FOXP1: variants seen among roughly 807,000 people sequenced by gnomAD.
FOXP1 encodes the protein forkhead box P1.
In FOXP1, 15 loss-of-function variants were observed where a neutral mutation model predicts 98.2. The ratio of observed to expected loss-of-function variants is 0.15; its 90% CI spans 0.10 to 0.24. The LOEUF (loss-of-function observed/expected upper bound fraction) is 0.24, where lower values mean the gene tolerates loss of function less well. Ranked by LOEUF, FOXP1 falls within the 10% of genes least tolerant of loss-of-function variation. FOXP1 has a pLI of 1.00. For missense variants in FOXP1, 633 were observed against 848.5 expected (o/e 0.75, Z 3.15); for synonymous variants, 371 against 314.5 (o/e 1.18, Z -1.90).
At position 70,977,910 on chromosome 3, in the gene FOXP1, A is replaced by AGAGGGGCCTTGGGTGACGGGAGTCAGG. The variant is rs2107316260; in HGVS notation, c.1239_1265dup (p.Leu414_Ser422dup). 1 of 1,614,188 alleles carries AGAGGGGCCTTGGGTGACGGGAGTCAGG rather than the reference A, an allele frequency of 6.2e-7. No homozygotes were observed. The highest frequency in any genetic ancestry group is 1.7e-5 in the Admixed American group (1 of 60,020). ...TGTGCATGCTGGTGGTTGTGATGACAGAGGGGCCTTGGGTGACGGGAGTCA... is the reference window on the plus strand; with the variant it reads ...TGTGCATGCTGGTGGTTGTGATGACAGAGGGGCCTTGGGTGACGGGAGTCAGGGAGGGGCCTTGGGTGACGGGAGTCA... On this transcript the variant is annotated inframe_insertion, in exon 15 of 21. Coordinates refer to ENST00000649528, the MANE Select transcript of FOXP1 (RefSeq NM_001349338.3).
At chr3:71,455,097 T>G (rs1560509773) in intron 3 of FOXP1, among the ~76,000 whole-genome samples, 1 of 152,166 alleles carries the variant, frequency 6.6e-6, no homozygotes, top group Non-Finnish European at 1.5e-5. Flanking sequence ...GATATACATC[T>G]CTTTACAAAT....
At chr3:71,008,594 C>G (rs966028401) in intron 12 of FOXP1, among the ~76,000 whole-genome samples, 1 of 151,974 alleles carries the variant, frequency 6.6e-6, no homozygotes, top group Non-Finnish European at 1.5e-5. Flanking sequence ...AAAAAAAAAT[C>G]AACACTAAAA....
chr3:71,279,455 A>G (rs2071280574), intron 5 of FOXP1, among the ~76,000 whole-genome samples: 1 of 152,092 alleles, frequency 6.6e-6, no homozygotes, highest in South Asian at 2.1e-4. Context: ...GCAGAGTTAT[A>G]GGCATCTAGC....
intron 2 of FOXP1, among the ~76,000 whole-genome samples, chr3:71,532,221 T>C (rs979457544): frequency 6.6e-6 from 1 of 152,184 alleles, no homozygotes; most frequent in African/African-American, 2.4e-5. Flanking sequence ...CGCCTCAGCC[T>C]CCTGAGTAGC....
At chr3:71,203,938 G>GAGGA (rs3033228) in intron 5 of FOXP1, among the ~76,000 whole-genome samples, 16,950 of 131,170 alleles carry the variant, frequency 0.13, 1,235 homozygotes, top group African/African-American at 0.19. Context: ...GAAAAGGAAG[G>GAGGA]AGGAAGGAAG....
At position 70,955,362 on chromosome 3, in the gene FOXP1, G is replaced by A. The variant is rs1039355925; in HGVS notation, c.*3885C>T. ...GGCAGGACTGGTGGTAACTCTTCAC[G>A]TATGTACATAAGCCTTGATATTCCA... On this transcript the variant is annotated 3_prime_UTR_variant, in exon 21 of 21. Transcript: ENST00000649528. 1.7e-5 allele frequency: 4 copies of A among 232,740 alleles called. No homozygotes were observed. The highest frequency in any genetic ancestry group is 1.1e-4 in the Admixed American group (2 of 17,746). 14.4% of individuals were successfully genotyped at this position (232,740 alleles called of 1,614,324 possible). A position where few individuals can be genotyped will look rare whatever the true frequency, so the allele number is the denominator to read the frequency against.
At chr3:71,234,669 T>C (rs2066624019) in intron 5 of FOXP1, among the ~76,000 whole-genome samples, 2 of 152,206 alleles carry the variant, frequency 1.3e-5, no homozygotes, top group South Asian at 4.1e-4. Flanking sequence ...TCCTCTCCAG[T>C]TATGCACAGG....
intron 3 of FOXP1, among the ~76,000 whole-genome samples, chr3:71,461,465 G>A (rs1389050877): frequency 6.6e-6 from 1 of 152,144 alleles, no homozygotes; most frequent in Middle Eastern, 3.2e-3. Context: ...CTGTGTTCCA[G>A]CCTGGGCGAC....
chr3:71,558,802 CTTT>C (rs35405702), intron 2 of FOXP1, among the ~76,000 whole-genome samples: 3 of 117,526 alleles, frequency 2.6e-5, no homozygotes, highest in Non-Finnish European at 1.7e-5. Context: ...CCGATTCTCA[CTTT>C]TTTTTTTTTT....
chr3:71,366,615 C>T (rs1183311268), intron 3 of FOXP1, among the ~76,000 whole-genome samples: 1 of 152,094 alleles, frequency 6.6e-6, no homozygotes, highest in African/African-American at 2.4e-5. Context: ...ACCTGTTATA[C>T]AATTTGAAAC....
At chr3:71,515,531 A>G (rs2042519150) in intron 2 of FOXP1, among the ~76,000 whole-genome samples, 1 of 149,642 alleles carries the variant, frequency 6.7e-6, no homozygotes, top group Non-Finnish European at 1.5e-5. Context: ...TCAAGCTTTT[A>G]TTAGTTACTA....
At chr3:70,970,956 C>T (rs774528739) in intron 18 of FOXP1, 151 bp from the exon 19 acceptor site, 11 of 689,288 alleles carry the variant, frequency 1.6e-5, no homozygotes, top group Admixed American at 8.1e-5. Context: ...CTCCCCGTCA[C>T]TGATTTGCAG....
At chr3:71,450,703 A>G (rs2086866239) in intron 3 of FOXP1, among the ~76,000 whole-genome samples, 1 of 152,248 alleles carries the variant, frequency 6.6e-6, no homozygotes, top group South Asian at 2.1e-4. Flanking sequence ...TTGTGATGGC[A>G]TAAAATAAGT....
intron 6 of FOXP1, among the ~76,000 whole-genome samples, chr3:71,182,502 ATGTGTGTG>A (rs1234678062): frequency 9.6e-4 from 128 of 133,704 alleles, no homozygotes; most frequent in Non-Finnish European, 1.6e-3. Context: ...AACTATATAT[ATGTGTGTG>A]TGTGTGTGTG....
chr3:71,545,117 C>T (rs2045254446), intron 2 of FOXP1, among the ~76,000 whole-genome samples: 1 of 151,770 alleles, frequency 6.6e-6, no homozygotes, highest in African/African-American at 2.4e-5. Context: ...TTAAAAATAA[C>T]CATTTTATTT....
intron 4 of FOXP1, among the ~76,000 whole-genome samples, chr3:71,329,174 C>T (rs772416537): frequency 4.0e-5 from 6 of 151,794 alleles, no homozygotes; most frequent in Non-Finnish European, 8.8e-5. Flanking sequence ...AATGAATGAT[C>T]CCGTCACCCA....
At chr3:71,294,485 C>T (rs2073077201) in intron 5 of FOXP1, among the ~76,000 whole-genome samples, 1 of 152,130 alleles carries the variant, frequency 6.6e-6, no homozygotes, top group African/African-American at 2.4e-5. Context: ...GTATGCCTGC[C>T]CCTCTAGACT....
intron 6 of FOXP1, among the ~76,000 whole-genome samples, chr3:71,171,456 A>AT (rs2061649231): frequency 6.6e-6 from 1 of 152,048 alleles, no homozygotes; most frequent in African/African-American, 2.4e-5. Flanking sequence ...GTAAACAGGC[A>AT]TTTTTCCTCT....
intron 4 of FOXP1, among the ~76,000 whole-genome samples, chr3:71,347,745 C>T (rs569652500): frequency 5.3e-5 from 8 of 152,096 alleles, no homozygotes; most frequent in South Asian, 2.1e-4. Context: ...ATTAGCCAGG[C>T]GTGGTGACCC....
Sources: gnomAD v4.1 joint callset for allele counts (sites outside exome capture counted in the v4.1 genomes callset) on GRCh38, gnomAD v4.1.1 for gene constraint, MANE v1.5 for transcripts, NCBI Gene and HGNC (gene_info 2026-07-23, HGNC 2026-07-21) for gene names.